ROBO1: variants seen among roughly 807,000 people sequenced by gnomAD.
ROBO1 encodes the protein roundabout homolog 1.
In ROBO1, 149 loss-of-function variants were observed where a neutral mutation model predicts 195.9. That is an observed-to-expected ratio of 0.76 (90% CI 0.67 to 0.87). The LOEUF (loss-of-function observed/expected upper bound fraction) is 0.87. Among genes scored for constraint, ROBO1 ranks in the 40% least tolerant of loss-of-function variants. ROBO1 has a pLI of 0.00. For missense variants in ROBO1, 1,933 were observed against 2,068.3 expected, an observed-to-expected ratio of 0.93 and a Z score of 1.27; for synonymous variants, 816 against 733.2, an observed-to-expected ratio of 1.11 and a Z score of -1.82.
At chr3:79,372,464 C>T (rs549830050) in intron 2 of ROBO1, among the ~76,000 whole-genome samples, 1 of 152,126 alleles carries the variant, frequency 6.6e-6, no homozygotes, top group South Asian at 2.1e-4. Context: ...CCGCCTTGGC[C>T]TCCCAAAGTG....
chr3:79,515,764 T>G (rs1212906129), intron 2 of ROBO1, among the ~76,000 whole-genome samples: 1 of 152,210 alleles, frequency 6.6e-6, no homozygotes, highest in Non-Finnish European at 1.5e-5. Context: ...AACATTTTTC[T>G]TGGGTAATAT....
intron 14 of ROBO1, among the ~76,000 whole-genome samples, chr3:78,665,272 A>T (rs1707665573): frequency 6.6e-6 from 1 of 152,196 alleles, no homozygotes; most frequent in African/African-American, 2.4e-5. Context: ...GTGCCAGCTA[A>T]GACTACATTT....
chr3:78,989,644 TTAAC>T (rs1428421717), intron 3 of ROBO1, among the ~76,000 whole-genome samples: 3 of 151,946 alleles, frequency 2.0e-5, no homozygotes, highest in Non-Finnish European at 4.4e-5. Flanking sequence ...AAGTAAGAAA[TTAAC>T]TATTTTTAAC....
intron 3 of ROBO1, among the ~76,000 whole-genome samples, chr3:79,016,531 C>T (rs1420864604): frequency 6.6e-6 from 1 of 152,186 alleles, no homozygotes; most frequent in African/African-American, 2.4e-5. Flanking sequence ...CCTCAGATAT[C>T]TACTACTCAA....
rs116756776 is a variant in ROBO1 at position 79,469,841 on chromosome 3, C to T, written c.88+119983G>A. Reference sequence around the variant, plus strand: ...AAGGACAACTTTTTCTTCTTTTATACAGGTTAAAAAAAAAGTGTCAGTACC... The same window carrying T: ...AAGGACAACTTTTTCTTCTTTTATATAGGTTAAAAAAAAAGTGTCAGTACC... On this transcript the variant is annotated intron_variant, in intron 2 of 30. Transcript: ENST00000464233. Among the ~76,000 whole-genome samples, 1,111 of 151,526 alleles carry T rather than the reference C, an allele frequency of 7.3e-3. 7 individuals are homozygous for T. The highest frequency in any genetic ancestry group is 0.026 in the African/African-American group (1,059 of 41,244).
chr3:79,053,462 A>G (rs1486234823), intron 3 of ROBO1, among the ~76,000 whole-genome samples: 2 of 150,894 alleles, frequency 1.3e-5, no homozygotes, highest in Non-Finnish European at 3.0e-5. Flanking sequence ...CTCTCTTTAA[A>G]CCTCCGGAGT....
intron 10 of ROBO1, among the ~76,000 whole-genome samples, chr3:78,680,975 C>T (rs1190199003): frequency 2.0e-5 from 3 of 151,498 alleles, no homozygotes; most frequent in African/African-American, 4.9e-5. Context: ...AAATGTGGCA[C>T]ATACACACCA....
intron 2 of ROBO1, among the ~76,000 whole-genome samples, chr3:79,183,080 C>CAAAAAAAAAAAAAAAAAAAAAAAAAAAAA (rs1304597488): frequency 6.2e-5 from 4 of 64,830 alleles, no homozygotes; most frequent in Admixed American, 1.8e-4. Flanking sequence ...GACTCCAACT[C>CAAAAAAAAAAAAAAAAAAAAAAAAAAAAA]AAAAAAAAAA....
At chr3:79,285,179 G>T (rs189898429) in intron 2 of ROBO1, among the ~76,000 whole-genome samples, 1 of 152,032 alleles carries the variant, frequency 6.6e-6, no homozygotes, top group Admixed American at 6.6e-5. Context: ...ATGGCTAACC[G>T]ATTAAAGACA....
rs528343809 is a variant in ROBO1, at chr3:78,958,895, G to A, written c.173-19968C>T. Among the ~76,000 whole-genome samples the A allele has an allele frequency of 8.0e-5, 12 of 149,248 alleles. No homozygotes were observed. In the South Asian group the frequency reaches 2.3e-3, roughly 29 times the overall value. ...GTTGGAGTGCAGTGGCGTGATCTTG[G>A]CTCTCTGCAGCCTCAACCTCCCAGG... On this transcript the variant is annotated intron_variant, in intron 3 of 30. Coordinates refer to ENST00000464233, the MANE Select transcript of ROBO1 (RefSeq NM_002941.4).
intron 5 of ROBO1, among the ~76,000 whole-genome samples, chr3:78,735,788 G>A (rs908473621): frequency 5.9e-5 from 9 of 151,984 alleles, no homozygotes; most frequent in Admixed American, 1.3e-4. Flanking sequence ...AAGATATATC[G>A]TAATCAAATT....
At chr3:78,951,914 G>C (rs941036026) in intron 3 of ROBO1, among the ~76,000 whole-genome samples, 6 of 151,980 alleles carry the variant, frequency 3.9e-5, no homozygotes, top group African/African-American at 1.5e-4. Flanking sequence ...AACCATTTAA[G>C]AGACTGCTCG....
intron 4 of ROBO1, among the ~76,000 whole-genome samples, chr3:78,790,009 A>G (rs2083968214): frequency 6.6e-6 from 1 of 152,196 alleles, no homozygotes; most frequent in Non-Finnish European, 1.5e-5. Flanking sequence ...AAGATCTTTT[A>G]TAATAAATTT....
At chr3:78,883,543 G>A (rs1287593757) in intron 4 of ROBO1, among the ~76,000 whole-genome samples, 1 of 151,892 alleles carries the variant, frequency 6.6e-6, no homozygotes, top group African/African-American at 2.4e-5. Flanking sequence ...CACCATGCCT[G>A]GCTAATTTTC....
chr3:79,716,144 T>C (rs962590713), intron 1 of ROBO1, among the ~76,000 whole-genome samples: 6 of 152,068 alleles, frequency 3.9e-5, no homozygotes, highest in African/African-American at 1.2e-4. Context: ...AAACTTCAAA[T>C]ATCTGGAAAT....
rs2034142241 is a variant in ROBO1 at position 79,324,956 on chromosome 3, C to T, written c.89-199417G>A. Among the ~76,000 whole-genome samples, 3 of 152,216 alleles carry T rather than the reference C, an allele frequency of 2.0e-5. No homozygotes were observed. In the South Asian group the frequency reaches 6.2e-4, roughly 32 times the overall value. On this transcript the variant is annotated intron_variant, in intron 2 of 30. Transcript: ENST00000464233. ...TTCGAGTTGAGAGTTGATGGTTACT[C>T]CCAGGTGCAGTGTACATGCAGAGCA...
At chr3:78,631,053 T>A (rs1705148667) in intron 25 of ROBO1, 108 bp downstream of exon 25, 1 of 1,184,052 alleles carries the variant, frequency 8.4e-7, no homozygotes, top group Non-Finnish European at 1.2e-6. Context: ...CAACTGTTTG[T>A]GGACCTTAGG....
intron 3 of ROBO1, among the ~76,000 whole-genome samples, chr3:78,952,200 T>C (rs2040827167): frequency 2.0e-5 from 3 of 151,404 alleles, no homozygotes; most frequent in Non-Finnish European, 2.9e-5. Context: ...TCAAATATCA[T>C]ATTAATGTAT....
intron 2 of ROBO1, among the ~76,000 whole-genome samples, chr3:79,253,042 A>G (rs1019754264): frequency 6.6e-6 from 1 of 152,194 alleles, no homozygotes; most frequent in African/African-American, 2.4e-5. Flanking sequence ...GCTTTTTAAT[A>G]TGAAAAATAC....
Sources: allele counts gnomAD v4.1 joint callset (sites outside exome capture counted in the v4.1 genomes callset), GRCh38; gene constraint gnomAD v4.1.1; transcripts MANE v1.5; gene names NCBI Gene and HGNC (gene_info 2026-07-23, HGNC 2026-07-21).